TRMT13: variants seen among roughly 807,000 people sequenced by gnomAD.
TRMT13 encodes the protein tRNA methyltransferase 13.
Under a neutral mutation model 55.9 loss-of-function variants are expected in TRMT13, and 45 were observed. That is an observed-to-expected ratio of 0.80 (90% CI 0.63 to 1.03). TRMT13 has a LOEUF of 1.03. Among genes scored for constraint, TRMT13 ranks in the 50% least tolerant of loss-of-function variants. The probability of loss-of-function intolerance (pLI) is 0.00; values close to 1 mark genes in which losing one functional copy is unlikely to be tolerated. For missense variants in TRMT13, 513 were observed against 563.9 expected, an observed-to-expected ratio of 0.91 and a Z score of 0.91; for synonymous variants, 183 against 196.3, an observed-to-expected ratio of 0.93 and a Z score of 0.57.
In TRMT13 at chr1:100,148,719, A is replaced by G; in HGVS notation, c.1345A>G (p.Ser449Gly). The G allele has an allele frequency of 6.2e-7, 1 of 1,613,264 alleles. No homozygotes were observed. Among genetic ancestry groups the G allele is most frequent in the South Asian group, 1.1e-5 (1 of 90,908 alleles). Residue 449 changes from serine to glycine, a missense_variant, in exon 11 of 11, where the codon AGT (serine) becomes GGT (glycine). Physicochemically the swap from Ser to Gly is moderately conservative, Grantham distance 56. This residue lies in a region of TRMT13 where 209 missense variants were observed against 255.8 expected (regional missense o/e 0.82). Coordinates refer to ENST00000370141, the MANE Select transcript of TRMT13 (RefSeq NM_019083.3). The stretch of plus-strand genomic sequence containing the variant: ...CCAGTATTTGCAGCAGAAGGGATTC[A>G]GTCCTGCTTTGCAGTACTATACAGA... ...RIQYLQQKGF[S>G]PALQYYTDPL...
At chr1:100,145,539 A>G (rs1657142226) in intron 9 of TRMT13, among the ~76,000 whole-genome samples, 1 of 151,952 alleles carries the variant, frequency 6.6e-6, no homozygotes, top group South Asian at 2.1e-4. Flanking sequence ...CCCTACATCT[A>G]TGCCATTCTT....
intron 9 of TRMT13, among the ~76,000 whole-genome samples, chr1:100,146,691 A>G (rs1279913800): frequency 6.6e-6 from 1 of 152,136 alleles, no homozygotes; most frequent in Non-Finnish European, 1.5e-5. Flanking sequence ...TTTTTAGTAG[A>G]GACGGGATTT....
chr1:100,137,125 T>A (rs1570731129), intron 3 of TRMT13, 40 bp downstream of exon 3: 1 of 1,506,382 alleles, frequency 6.6e-7, no homozygotes, highest in African/African-American at 1.4e-5. Flanking sequence ...TGAAATGTGG[T>A]ATGTAATGCC....
chr1:100,136,893 T>C lies in TRMT13; in HGVS notation c.159T>C (p.Ala53=). 1.3e-6 allele frequency: 2 copies of C among 1,599,328 alleles called. No individual in the cohort carries two copies. Among genetic ancestry groups the C allele is most frequent in the Non-Finnish European group, 1.7e-6 (2 of 1,175,318 alleles). Residue 53 remains alanine, a synonymous_variant, in exon 2 of 11, where the codon GCT becomes GCC. Transcript: ENST00000370141. ...TCTTAATTTATTAGGAAGAAGATGCTCGGAAAAGAATCCTGTGTCCTTTAG... is the reference window on the plus strand; with the variant it reads ...TCTTAATTTATTAGGAAGAAGATGCCCGGAAAAGAATCCTGTGTCCTTTAG... ...EHAGAAEEED[A]RKRILCPLDP...
intron 3 of TRMT13, among the ~76,000 whole-genome samples, 169 bp downstream of exon 3, chr1:100,137,254 G>A (rs970877806): frequency 2.0e-5 from 3 of 152,116 alleles, no homozygotes; most frequent in Non-Finnish European, 4.4e-5. Flanking sequence ...GGAGTGCAGT[G>A]GCGTGATCGT....
intron 8 of TRMT13, 88 bp from the exon 9 acceptor site, chr1:100,143,981 C>CT: frequency 9.0e-7 from 1 of 1,109,872 alleles, no homozygotes; most frequent in Admixed American, 2.2e-5. Context: ...GGCTAAAATT[C>CT]AGAGACTCTA....
At chr1:100,136,985 G>A (rs1655960275) in intron 2 of TRMT13, 34 bp from the exon 3 acceptor site, 1 of 1,602,676 alleles carries the variant, frequency 6.2e-7, no homozygotes, top group Non-Finnish European at 8.5e-7. Flanking sequence ...ATTGGCACAA[G>A]TCTCATTTGA....
At chr1:100,133,419 C>A in intron 1 of TRMT13, 104 bp downstream of exon 1, 3 of 1,341,198 alleles carry the variant, frequency 2.2e-6, no homozygotes, top group Non-Finnish European at 3.0e-6. Context: ...TGCTTGTGTC[C>A]CCTGGATTCT....
intron 3 of TRMT13, among the ~76,000 whole-genome samples, chr1:100,139,255 G>C (rs993635818): frequency 6.6e-6 from 1 of 152,160 alleles, no homozygotes; most frequent in Non-Finnish European, 1.5e-5. Flanking sequence ...TGTGTAGTTA[G>C]TACTTTGCTG....
Position 100,143,202 on chromosome 1 carries a change from G to A in TRMT13, c.735G>A (p.Leu245=). 1 of 1,602,080 alleles carries A rather than the reference G, an allele frequency of 6.2e-7. No individual in the cohort carries two copies. The highest frequency in any genetic ancestry group is 2.2e-5 in the East Asian group (1 of 44,666). ...FERLQIDIQH[L]CLNKIPVLRE... ...GACTTCAAATTGATATTCAACACTT[G>A]TGTTTGAGTAAGTTGTGTAACTTTC... The change falls in exon 8 of 11, where the codon TTG becomes TTA. Residue 245 remains leucine (L), a synonymous_variant. Transcript: ENST00000370141.
At chr1:100,134,882 G>T (rs535268014) in intron 1 of TRMT13, among the ~76,000 whole-genome samples, 2 of 152,272 alleles carry the variant, frequency 1.3e-5, no homozygotes, top group South Asian at 4.1e-4. Context: ...CTACTATCTC[G>T]TTTTAAATTG....
intron 1 of TRMT13, among the ~76,000 whole-genome samples, chr1:100,133,561 A>G (rs1425898595): frequency 6.6e-6 from 1 of 152,020 alleles, no homozygotes; most frequent in Non-Finnish European, 1.5e-5. Context: ...ATTTATCTCG[A>G]TCTTAACTCA....
At chr1:100,145,506 A>C (rs1174355742) in intron 9 of TRMT13, among the ~76,000 whole-genome samples, 1 of 151,852 alleles carries the variant, frequency 6.6e-6, no homozygotes, top group Non-Finnish European at 1.5e-5. Context: ...CTCTTTTGCG[A>C]TACTCTTATT....
At chr1:100,136,620 C>T (rs1419871771) in intron 1 of TRMT13, among the ~76,000 whole-genome samples, 3 of 152,032 alleles carry the variant, frequency 2.0e-5, no homozygotes, top group African/African-American at 7.3e-5. Context: ...TTTCAGACAC[C>T]ATATGTAGGC....
chr1:100,149,081 A>C lies in TRMT13; in HGVS notation c.*261A>C, dbSNP rs1267706430. 3.1e-6 allele frequency: 5 copies of C among 1,602,552 alleles called. No homozygotes were observed. In the African/African-American group the frequency reaches 5.4e-5, roughly 17 times the overall value. ...TTATGGAGATTGGTAAAGTAGTTGA[A>C]CCGTTGACTTGGTGATCTGAAACAT... On this transcript the variant is annotated 3_prime_UTR_variant, in exon 11 of 11. Coordinates refer to ENST00000370141, the MANE Select transcript of TRMT13 (RefSeq NM_019083.3).
At chr1:100,144,982 C>T (rs531379169) in intron 9 of TRMT13, among the ~76,000 whole-genome samples, 9 of 152,240 alleles carry the variant, frequency 5.9e-5, no homozygotes, top group South Asian at 4.1e-4. Context: ...TACAACATAA[C>T]GATGATTTGG....
Position 100,149,265 on chromosome 1 carries a change from AT to A in TRMT13, c.*450del. 2.6e-6 allele frequency: 4 copies of A among 1,516,336 alleles called. No homozygotes were observed. Among genetic ancestry groups the A allele is most frequent in the East Asian group, 2.5e-5 (1 of 39,718 alleles). 93.9% of individuals were successfully genotyped at this position (1,516,336 alleles called of 1,614,324 possible). Reference sequence around the variant, plus strand: ...CTGAGAATTTGACTTATATGTGGACATTTTTCCCTACAGATCTGGAAAGCAC... The same window carrying A: ...CTGAGAATTTGACTTATATGTGGACATTTTCCCTACAGATCTGGAAAGCAC... On this transcript the variant is annotated 3_prime_UTR_variant, in exon 11 of 11. Coordinates refer to ENST00000370141, the MANE Select transcript of TRMT13 (RefSeq NM_019083.3).
chr1:100,148,873 T>G lies in TRMT13; in HGVS notation c.*53T>G, dbSNP rs923864619. Reference sequence around the variant, plus strand: ...CTTCCACCAAAAAAAATTTTTTAATTATATTTTTATATCAAAAAAATATAT... The same window carrying G: ...CTTCCACCAAAAAAAATTTTTTAATGATATTTTTATATCAAAAAAATATAT... On this transcript the variant is annotated 3_prime_UTR_variant, in exon 11 of 11. Coordinates refer to ENST00000370141, the MANE Select transcript of TRMT13 (RefSeq NM_019083.3). 49 of 1,173,810 alleles carry G rather than the reference T, an allele frequency of 4.2e-5. 1 individual carries two copies. Among genetic ancestry groups the G allele is most frequent in the Non-Finnish European group, 5.3e-5 (48 of 902,306 alleles). The allele number at this position is 1,173,810 out of a possible 1,614,324, so 72.7% of individuals were successfully genotyped here.
At chr1:100,135,444 T>C (rs2101714325) in intron 1 of TRMT13, among the ~76,000 whole-genome samples, 1 of 152,346 alleles carries the variant, frequency 6.6e-6, no homozygotes, top group East Asian at 1.9e-4. Context: ...ATGGACATGC[T>C]GAGAGGCACA....
Sources: gnomAD v4.1 joint callset for allele counts (sites outside exome capture counted in the v4.1 genomes callset) on GRCh38, gnomAD v4.1.1 for gene constraint, gnomAD v4.1.1 regional missense constraint, MANE v1.5 for transcripts, NCBI Gene and HGNC (gene_info 2026-07-23, HGNC 2026-07-21) for gene names.